The following SPNS3 variants were observed in gnomAD, a reference collection of about 807,000 sequenced individuals.
SPNS3 encodes protein spinster homolog 3.
In SPNS3, 51 loss-of-function variants were observed where a neutral mutation model predicts 54.4. The observed-to-expected ratio is 0.94, with a 90% CI of 0.75 to 1.18. The LOEUF (loss-of-function observed/expected upper bound fraction) is 1.18. Among genes scored for constraint, SPNS3 ranks in the 50% most tolerant of loss-of-function variants. The pLI is 0.00. For synonymous variants in SPNS3, 309 were observed against 294.7 expected (o/e 1.05, Z -0.50); for missense variants, 669 against 677.4 (o/e 0.99, Z 0.14).
intron 8 of SPNS3, 40 bp downstream of exon 8, chr17:4,453,245 G>A (rs973870492): frequency 6.4e-7 from 1 of 1,568,726 alleles, no homozygotes; most frequent in African/African-American, 1.4e-5. Context: ...CAGGGTTGGG[G>A]GGCGAGGAAC....
chr17:4,443,285 G>A (rs563870869), intron 2 of SPNS3, among the ~76,000 whole-genome samples: 1 of 152,246 alleles, frequency 6.6e-6, no homozygotes, highest in East Asian at 1.9e-4. Context: ...TGGCCCGGCT[G>A]GTCTCGAACT....
chr17:4,457,007 G>A (rs1359894145), intron 8 of SPNS3, among the ~76,000 whole-genome samples: 2 of 152,272 alleles, frequency 1.3e-5, no homozygotes, highest in Admixed American at 6.5e-5. Flanking sequence ...GATCCACCAC[G>A]CCCAGCCTGG....
intron 8 of SPNS3, among the ~76,000 whole-genome samples, chr17:4,472,395 C>T (rs146145507): frequency 1.1e-3 from 171 of 152,256 alleles, no homozygotes; most frequent in Non-Finnish European, 2.0e-3. Context: ...GCTTGGGCTC[C>T]GCAGACTTTT....
In SPNS3 at chr17:4,448,434, C is replaced by T. The variant is rs1265614240; in HGVS notation, c.770+131C>T. 6.8e-6 allele frequency: 6 copies of T among 888,874 alleles called. No individual in the cohort carries two copies. The East Asian group carries it at 1.9e-4, about 28-fold the overall frequency. The allele number at this position is 888,874 out of a possible 1,614,324, so 55.1% of individuals were successfully genotyped here. ...CAGTGTTCACAGCCCTCCTCTTCCT[C>T]TGAGATCGCACTTACCAACTGAAGT... On this transcript the variant is annotated intron_variant, in intron 6 of 11. Transcript: ENST00000355530.
rs201414122 is a variant in SPNS3 at position 4,446,875 on chromosome 17, G to A, written c.555-21G>A. The stretch of plus-strand genomic sequence containing the variant: ...CGCCTCCCTCCCCTCACAGCCCATC[G>A]CCCCTGCCCCTTTGTTGCAGTGGTC... On this transcript the variant is annotated intron_variant, in intron 4 of 11. Transcript: ENST00000355530. The A allele has an allele frequency of 4.5e-5, 72 of 1,612,624 alleles. No homozygotes were observed. The Admixed American group carries it at 5.7e-4, about 13-fold the overall frequency.
Position 4,486,638 on chromosome 17 carries a change from AGCACT to A in SPNS3, c.1450+57_1450+61del, listed in dbSNP as rs1972326523. ...CAGGGCCGGCACCCTAGGGACAGAC[AGCACT>A]GGCCACCCCCTGAATCCCTGGCCAG... On this transcript the variant is annotated intron_variant, in intron 11 of 11. Coordinates refer to ENST00000355530, the MANE Select transcript of SPNS3 (RefSeq NM_182538.5). The surrounding 1 kb of genome is among the most constrained non-coding windows in gnomAD (Gnocchi z 5.5). The A allele has an allele frequency of 2.0e-6, 3 of 1,531,940 alleles. No homozygotes were observed. The Admixed American group carries it at 6.0e-5, about 31-fold the overall frequency. 94.9% of individuals were successfully genotyped at this position (1,531,940 alleles called of 1,614,324 possible). A position where few individuals can be genotyped will look rare whatever the true frequency, so the allele number is the denominator to read the frequency against.
intron 8 of SPNS3, among the ~76,000 whole-genome samples, chr17:4,476,009 A>C (rs570366465): frequency 6.6e-6 from 1 of 152,256 alleles, no homozygotes; most frequent in South Asian, 2.1e-4. Flanking sequence ...CCGTTGGGGA[A>C]ACCAAGGCCC....
intron 9 of SPNS3, among the ~76,000 whole-genome samples, chr17:4,482,900 G>A (rs868146032): frequency 6.6e-6 from 1 of 152,184 alleles, no homozygotes; most frequent in Non-Finnish European, 1.5e-5. Flanking sequence ...ACGATCTCTG[G>A]ATCCCAACCA....
At position 4,460,408 on chromosome 17, in the gene SPNS3, A is replaced by C. The variant is rs566528934; in HGVS notation, c.1113+7203A>C. Among the ~76,000 whole-genome samples, 8 of 150,246 alleles carry C rather than the reference A, an allele frequency of 5.3e-5. No individual in the cohort carries two copies. The East Asian group carries it at 1.6e-3, about 29-fold the overall frequency. On this transcript the variant is annotated intron_variant, in intron 8 of 11. Transcript: ENST00000355530. ...ATGTTTGCCATGGTCATTGTGGGTAATCATTTTTATGTATTGCTGGATTTT... is the reference window on the plus strand; with the variant it reads ...ATGTTTGCCATGGTCATTGTGGGTACTCATTTTTATGTATTGCTGGATTTT...
Position 4,487,868 on chromosome 17 carries a change from G to C in SPNS3, c.1513G>C (p.Ala505Pro). The C allele has an allele frequency of 4.3e-6, 7 of 1,614,056 alleles. No homozygotes were observed. The highest frequency in any genetic ancestry group is 5.9e-6 in the Non-Finnish European group (7 of 1,179,894). Reference sequence around the variant, plus strand: ...GGAGAGACAAGGCCTACTTTCGGGCGCTGGCGCCTCTACAGAGGAGCCCTG... The same window carrying C: ...GGAGAGACAAGGCCTACTTTCGGGCCCTGGCGCCTCTACAGAGGAGCCCTG... The part of the protein sequence containing the change: ...DLERQGLLSG[A>P]GASTEEP The change falls in exon 12 of 12, where the codon GCT becomes CCT. Residue 505 changes from alanine (A) to proline (P), a missense_variant. Transcript: ENST00000355530.
At chr17:4,482,856 G>A (rs1393953593) in intron 9 of SPNS3, among the ~76,000 whole-genome samples, 1 of 152,190 alleles carries the variant, frequency 6.6e-6, no homozygotes, top group African/African-American at 2.4e-5. Context: ...AGGGGACAGT[G>A]TAAGCAAAGG....
intron 2 of SPNS3, among the ~76,000 whole-genome samples, chr17:4,442,799 G>A (rs186988581): frequency 5.9e-4 from 90 of 152,308 alleles, no homozygotes; most frequent in African/African-American, 1.8e-3. Context: ...GCTCAGAGAA[G>A]TTATGAGACT....
rs932791968 is a variant in SPNS3, at chr17:4,453,092, A to C, written c.1000A>C (p.Lys334Gln). The C allele has an allele frequency of 6.2e-7, 1 of 1,614,004 alleles. No individual in the cohort carries two copies. The highest frequency in any genetic ancestry group is 8.5e-7 in the Non-Finnish European group (1 of 1,179,996). Residue 334 changes from lysine to glutamine, a missense_variant, in exon 8 of 12, where the codon AAG becomes CAG. By Grantham distance (53) the Lys-to-Gln change is moderately conservative. Coordinates refer to ENST00000355530, the MANE Select transcript of SPNS3 (RefSeq NM_182538.5). ...GGGGGCAGAAGCTGCGAGGAGGTAC[A>C]AGAAAGTCATTCCAGGAGCTGAGCC... ...ILGAEAARRY[K>Q]KVIPGAEPLI... is the part of the protein sequence containing the mutation.
rs578235107 is a variant in SPNS3 at position 4,481,654 on chromosome 17, C to T, written c.1179+3017C>T. Among the ~76,000 whole-genome samples, 14 of 152,336 alleles carry T rather than the reference C, an allele frequency of 9.2e-5. No homozygotes were observed. The South Asian group carries it at 2.7e-3, about 29-fold the overall frequency. ...GACTCTGCAGCAGCCCATCTGCTCCCACTCCCAGCCTGGCTCCTCACTAGC... is the reference window on the plus strand; with the variant it reads ...GACTCTGCAGCAGCCCATCTGCTCCTACTCCCAGCCTGGCTCCTCACTAGC... On this transcript the variant is annotated intron_variant, in intron 9 of 11. Transcript: ENST00000355530.
intron 8 of SPNS3, among the ~76,000 whole-genome samples, chr17:4,464,273 A>C (rs1373051773): frequency 6.6e-6 from 1 of 152,214 alleles, no homozygotes; most frequent in Non-Finnish European, 1.5e-5. Flanking sequence ...AGACACGCAC[A>C]CAGCAGGTCT....
At chr17:4,474,330 G>A (rs1192028005) in intron 8 of SPNS3, among the ~76,000 whole-genome samples, 1 of 152,254 alleles carries the variant, frequency 6.6e-6, no homozygotes, top group Non-Finnish European at 1.5e-5. Context: ...CGGTGCAGCA[G>A]CTTGCTGGCG....
chr17:4,435,198 G>A (rs1268323055), intron 1 of SPNS3, among the ~76,000 whole-genome samples: 1 of 151,986 alleles, frequency 6.6e-6, no homozygotes, highest in East Asian at 1.9e-4. Context: ...CAAGGTGGGC[G>A]GATCACTTGA....
intron 8 of SPNS3, among the ~76,000 whole-genome samples, chr17:4,469,349 A>G (rs1971793886): frequency 6.6e-6 from 1 of 152,108 alleles, no homozygotes; most frequent in Non-Finnish European, 1.5e-5. Context: ...GGCCTCCCAA[A>G]GTGCTGGGAT....
chr17:4,474,725 A>T (rs1164714606), intron 8 of SPNS3, among the ~76,000 whole-genome samples: 5 of 152,192 alleles, frequency 3.3e-5, no homozygotes, highest in African/African-American at 7.2e-5. Context: ...TGTGTGTGTG[A>T]GAGCATAATT....
Sources: gnomAD v4.1 joint callset for allele counts (sites outside exome capture counted in the v4.1 genomes callset) on GRCh38, gnomAD v4.1.1 for gene constraint, Gnocchi (gnomAD v3.1) non-coding constraint, MANE v1.5 for transcripts, NCBI Gene and HGNC (gene_info 2026-07-23, HGNC 2026-07-21) for gene names.